The following ATRNL1 variants were observed in gnomAD, a reference collection of about 807,000 sequenced individuals.
ATRNL1 encodes the protein attractin-like protein 1.
Under a neutral mutation model 182.7 loss-of-function variants are expected in ATRNL1, and 95 were observed. The ratio of observed to expected loss-of-function variants is 0.52; its 90% CI spans 0.44 to 0.62. The LOEUF (loss-of-function observed/expected upper bound fraction) is 0.62. Among genes scored for constraint, ATRNL1 ranks in the 20% least tolerant of loss-of-function variants. The pLI is 0.00. For synonymous variants in ATRNL1, 576 were observed against 568.3 expected (o/e 1.01, Z -0.19); for missense variants, 1,471 against 1,679.5 (o/e 0.88, Z 2.17).
intron 25 of ATRNL1, among the ~76,000 whole-genome samples, chr10:115,537,940 G>T (rs1323401084): frequency 6.6e-6 from 1 of 152,086 alleles, no homozygotes; most frequent in Non-Finnish European, 1.5e-5. Context: ...TGTTCTTGCA[G>T]TTTTGCCTTT....
At chr10:115,710,885 G>A (rs1947043464) in intron 26 of ATRNL1, among the ~76,000 whole-genome samples, 1 of 152,082 alleles carries the variant, frequency 6.6e-6, no homozygotes, top group South Asian at 2.1e-4. Context: ...CCTTCAAAAT[G>A]AACTTTTTTT....
At chr10:115,903,618 C>T (rs1210425125) in intron 28 of ATRNL1, among the ~76,000 whole-genome samples, 4 of 152,190 alleles carry the variant, frequency 2.6e-5, no homozygotes, top group African/African-American at 9.7e-5. Flanking sequence ...TAAAGTGTGA[C>T]TTTCCCTGTC....
At chr10:115,241,239 T>A (rs1554902776) in intron 9 of ATRNL1, among the ~76,000 whole-genome samples, 4 of 151,912 alleles carry the variant, frequency 2.6e-5, no homozygotes. Flanking sequence ...TTTGGTATTT[T>A]AAAATGATGT....
chr10:115,313,559 T>C lies in ATRNL1; in HGVS notation c.2819-1959T>C, dbSNP rs113087532. Among the ~76,000 whole-genome samples the C allele has an allele frequency of 1.6e-4, 25 of 152,224 alleles. No individual in the cohort carries two copies. In the South Asian group the frequency reaches 4.4e-3, roughly 27 times the overall value. On this transcript the variant is annotated intron_variant, in intron 17 of 28. Coordinates refer to ENST00000355044, the MANE Select transcript of ATRNL1 (RefSeq NM_207303.4). ...TTCATTCGCCAGTGGCGTGTACTTA[T>C]TTATTTATTTATTTATTCTTTCCCC... is the stretch of plus-strand genomic sequence containing the variant.
intron 26 of ATRNL1, among the ~76,000 whole-genome samples, chr10:115,709,383 A>G (rs1555053891): frequency 1.3e-5 from 2 of 151,968 alleles, no homozygotes; most frequent in East Asian, 3.8e-4. Flanking sequence ...AACAAAATAT[A>G]TATTGGGTGA....
intron 20 of ATRNL1, among the ~76,000 whole-genome samples, chr10:115,402,123 T>C (rs1451300513): frequency 6.6e-6 from 1 of 152,170 alleles, no homozygotes; most frequent in Non-Finnish European, 1.5e-5. Flanking sequence ...TTATAAAAGG[T>C]ATATTTTCAA....
At chr10:115,859,496 C>A (rs1459198445) in intron 28 of ATRNL1, among the ~76,000 whole-genome samples, 2 of 152,084 alleles carry the variant, frequency 1.3e-5, no homozygotes, top group Non-Finnish European at 2.9e-5. Context: ...AAAAGGCAGG[C>A]AGAAGGGAAC....
chr10:115,682,383 C>T (rs551306292), intron 26 of ATRNL1, among the ~76,000 whole-genome samples: 2 of 152,090 alleles, frequency 1.3e-5, no homozygotes, highest in African/African-American at 4.8e-5. Flanking sequence ...ACTAAAAATA[C>T]AAAAATTAGC....
intron 15 of ATRNL1, among the ~76,000 whole-genome samples, chr10:115,294,339 GTAAT>G (rs1766986383): frequency 6.6e-6 from 1 of 152,106 alleles, no homozygotes; most frequent in Non-Finnish European, 1.5e-5. Context: ...AGAAGAAAGA[GTAAT>G]TATTTTTTCT....
intron 26 of ATRNL1, among the ~76,000 whole-genome samples, chr10:115,583,060 A>G (rs1855237449): frequency 6.7e-6 from 1 of 149,936 alleles, no homozygotes; most frequent in Non-Finnish European, 1.5e-5. Context: ...AGTTGTACAT[A>G]TGTGGCATTA....
chr10:115,378,010 A>G (rs1554950026), intron 19 of ATRNL1, among the ~76,000 whole-genome samples: 5 of 151,850 alleles, frequency 3.3e-5, no homozygotes. Context: ...AAGGGCTGCC[A>G]CTGGATTTCT....
intron 24 of ATRNL1, among the ~76,000 whole-genome samples, chr10:115,516,392 A>G (rs1565122712): frequency 2.0e-5 from 3 of 151,748 alleles, no homozygotes; most frequent in Non-Finnish European, 4.4e-5. Flanking sequence ...TAAATTATGT[A>G]CCTAACTACT....
At chr10:115,791,910 T>C (rs1014689356) in intron 27 of ATRNL1, among the ~76,000 whole-genome samples, 1 of 152,214 alleles carries the variant, frequency 6.6e-6, no homozygotes, top group Non-Finnish European at 1.5e-5. Context: ...TAAATAGTTA[T>C]AGAGTTTCTG....
At chr10:115,778,274 A>C (rs1014660522) in intron 27 of ATRNL1, among the ~76,000 whole-genome samples, 1 of 152,202 alleles carries the variant, frequency 6.6e-6, no homozygotes, top group Admixed American at 6.5e-5. Context: ...GCTATCTACT[A>C]GATGACAAGA....
At chr10:115,304,039 CTT>C (rs1853611352) in intron 17 of ATRNL1, among the ~76,000 whole-genome samples, 1 of 152,150 alleles carries the variant, frequency 6.6e-6, no homozygotes, top group African/African-American at 2.4e-5. Context: ...ATATTTGAAA[CTT>C]TTAAAGGTCA....
chr10:115,652,553 A>G (rs531631063), intron 26 of ATRNL1, among the ~76,000 whole-genome samples: 3 of 152,252 alleles, frequency 2.0e-5, no homozygotes, highest in African/African-American at 7.2e-5. Flanking sequence ...CATATTTACG[A>G]TAACTAGAAG....
chr10:115,282,762 C>T (rs1357523639), intron 14 of ATRNL1, among the ~76,000 whole-genome samples: 1 of 148,058 alleles, frequency 6.8e-6, no homozygotes, highest in East Asian at 2.0e-4. Context: ...TGTTTTATTT[C>T]TGTTTAGTAT....
At chr10:115,258,507 A>G (rs544807008) in intron 10 of ATRNL1, among the ~76,000 whole-genome samples, 2 of 152,042 alleles carry the variant, frequency 1.3e-5, no homozygotes, top group South Asian at 2.1e-4. Flanking sequence ...CTAGTTAGCC[A>G]TTCGTCTAAT....
chr10:115,370,234 G>T (rs1434605592), intron 19 of ATRNL1, among the ~76,000 whole-genome samples: 5 of 152,182 alleles, frequency 3.3e-5, no homozygotes, highest in African/African-American at 4.8e-5. Flanking sequence ...TTTATCGGCT[G>T]TGTCAAAATG....
Sources: allele counts gnomAD v4.1 joint callset (sites outside exome capture counted in the v4.1 genomes callset), GRCh38; gene constraint gnomAD v4.1.1; transcripts MANE v1.5; gene names NCBI Gene and HGNC (gene_info 2026-07-23, HGNC 2026-07-21).